The following AHCYL2 variants were observed in gnomAD, a reference collection of about 807,000 sequenced individuals.
AHCYL2 encodes the protein S-adenosylhomocysteine hydrolase-like protein 2.
Under a neutral mutation model 81.4 loss-of-function variants are expected in AHCYL2, and 28 were observed. The ratio of observed to expected loss-of-function variants is 0.34; its 90% CI spans 0.25 to 0.47. AHCYL2 has a LOEUF of 0.47. Among genes scored for constraint, AHCYL2 ranks in the 20% least tolerant of loss-of-function variants. AHCYL2 has a pLI of 1.00. For missense variants in AHCYL2, 551 were observed against 785.1 expected, an observed-to-expected ratio of 0.70 and a Z score of 3.56; for synonymous variants, 272 against 290.2, an observed-to-expected ratio of 0.94 and a Z score of 0.64.
At chr7:129,249,156 C>T (rs116595547) in intron 1 of AHCYL2, among the ~76,000 whole-genome samples, 2,035 of 151,818 alleles carry the variant, frequency 0.013, 41 homozygotes, top group African/African-American at 0.046. Context: ...CACCACTGTG[C>T]CTGGCTAATA....
rs1793804668 is a variant in AHCYL2 at position 129,358,179 on chromosome 7, G to A, written c.364-21459G>A. On this transcript the variant is annotated intron_variant, in intron 1 of 16. Coordinates refer to ENST00000325006, the MANE Select transcript of AHCYL2 (RefSeq NM_015328.4). ...GAGGCCGAGGTGGGCGGATCACGAGGTCAGGAGATTGAGACCATCCTGGCT... is the reference window on the plus strand; with the variant it reads ...GAGGCCGAGGTGGGCGGATCACGAGATCAGGAGATTGAGACCATCCTGGCT... 2.6e-5 allele frequency among the ~76,000 whole-genome samples: 4 copies of A among 151,986 alleles called. No homozygotes were observed. In the South Asian group the frequency reaches 6.2e-4, roughly 24 times the overall value.
In AHCYL2 at chr7:129,406,380, G is replaced by A; in HGVS notation, c.1209G>A (p.Val403=). The change falls in exon 10 of 17, where the codon GTG becomes GTA. Residue 403 remains valine (V), a splice_region_variant and synonymous_variant. Coordinates refer to ENST00000325006, the MANE Select transcript of AHCYL2 (RefSeq NM_015328.4). The surrounding 1 kb of genome is among the most constrained non-coding windows in gnomAD (Gnocchi z 4.3). The part of the protein sequence containing the change: ...KQVVVCGYGE[V]GKGCCAALKA... ...TGTGTGCTCTCTCCCCTCTTCAGGT[G>A]GGGAAAGGGTGCTGTGCTGCCCTGA... 3 of 1,613,898 alleles carry A rather than the reference G, an allele frequency of 1.9e-6. No homozygotes were observed. The highest frequency in any genetic ancestry group is 2.7e-5 in the African/African-American group (2 of 75,012).
intron 1 of AHCYL2, among the ~76,000 whole-genome samples, chr7:129,298,349 A>G (rs1050297574): frequency 6.6e-6 from 1 of 152,220 alleles, no homozygotes; most frequent in Non-Finnish European, 1.5e-5. Context: ...TGTCTTATCT[A>G]GTTAACTAAA....
At chr7:129,411,318 A>G (rs998856997) in intron 11 of AHCYL2, among the ~76,000 whole-genome samples, 5 of 152,090 alleles carry the variant, frequency 3.3e-5, no homozygotes, top group African/African-American at 1.2e-4. Flanking sequence ...AAGAAACCCC[A>G]TATCATTAGC....
intron 5 of AHCYL2, among the ~76,000 whole-genome samples, chr7:129,398,674 C>T (rs1384056470): frequency 2.0e-5 from 3 of 151,826 alleles, no homozygotes; most frequent in Non-Finnish European, 4.4e-5. Flanking sequence ...CCACCGCACC[C>T]GGCTGCCCCA....
intron 1 of AHCYL2, among the ~76,000 whole-genome samples, chr7:129,234,085 C>T (rs1038900399): frequency 6.6e-5 from 10 of 151,500 alleles, no homozygotes; most frequent in African/African-American, 2.2e-4. Context: ...AAGTCTCACT[C>T]TGTAGCCCAG....
At chr7:129,230,119 C>G in intron 1 of AHCYL2, among the ~76,000 whole-genome samples, 1 of 132,766 alleles carries the variant, frequency 7.5e-6, no homozygotes, top group Admixed American at 8.5e-5. Flanking sequence ...AAGTCTCGCT[C>G]TGTCACCCAA....
chr7:129,377,205 G>A (rs942437286), intron 1 of AHCYL2, among the ~76,000 whole-genome samples: 13 of 152,194 alleles, frequency 8.5e-5, no homozygotes, highest in African/African-American at 3.1e-4. Flanking sequence ...ATTCATTGTG[G>A]TAAGTGCTGT....
chr7:129,375,959 G>A (rs1794666512), intron 1 of AHCYL2: 2 of 1,535,834 alleles, frequency 1.3e-6, no homozygotes, highest in Non-Finnish European at 8.7e-7. Flanking sequence ...CAGTCTTGCC[G>A]CTGCTATAGC....
chr7:129,234,251 CT>C (rs1794555492), intron 1 of AHCYL2, among the ~76,000 whole-genome samples: 3 of 152,040 alleles, frequency 2.0e-5, no homozygotes, highest in Admixed American at 2.0e-4. Context: ...GATGGGGTCT[CT>C]TTTTTCCCCC....
chr7:129,312,910 T>C (rs1319508262), intron 1 of AHCYL2, among the ~76,000 whole-genome samples: 1 of 152,068 alleles, frequency 6.6e-6, no homozygotes, highest in Non-Finnish European at 1.5e-5. Context: ...ACTTATTTAA[T>C]ACTGTTAGGT....
Position 129,295,638 on chromosome 7 carries a change from G to A in AHCYL2, c.363+70199G>A, listed in dbSNP as rs1424070400. ...TCAACAATCAACATACAGTAGGTGT[G>A]CAGTAAGGATATGAATATGTAATAA... On this transcript the variant is annotated intron_variant, in intron 1 of 16. Transcript: ENST00000325006. Among the ~76,000 whole-genome samples, 3 of 152,208 alleles carry A rather than the reference G, an allele frequency of 2.0e-5. No homozygotes were observed. The East Asian group carries it at 5.8e-4, about 29-fold the overall frequency.
chr7:129,399,109 T>C (rs891161395), intron 5 of AHCYL2, among the ~76,000 whole-genome samples: 5 of 124,546 alleles, frequency 4.0e-5, no homozygotes, highest in Non-Finnish European at 6.3e-5. Flanking sequence ...GCCACTGCAC[T>C]CTAGCCTGGG....
chr7:129,304,103 C>T (rs1563188637), intron 1 of AHCYL2, among the ~76,000 whole-genome samples: 1 of 152,130 alleles, frequency 6.6e-6, no homozygotes, highest in Non-Finnish European at 1.5e-5. Context: ...AAACTTCCCT[C>T]TTAGTACTGC....
intron 1 of AHCYL2, among the ~76,000 whole-genome samples, chr7:129,243,018 C>CTTTTTTT (rs769701638): frequency 2.4e-5 from 3 of 125,590 alleles, no homozygotes; most frequent in Non-Finnish European, 5.0e-5. Context: ...TATTGTTTCT[C>CTTTTTTT]TTTTTTTTTT....
chr7:129,410,667 G>C lies in AHCYL2; in HGVS notation c.1366+1121G>C, dbSNP rs956739251. On this transcript the variant is annotated intron_variant, in intron 11 of 16. Transcript: ENST00000325006. Reference sequence around the variant, plus strand: ...TAGAGAGAAATTCTTCATAGTTAGAGAAAGTAGACGAGGTTATTCTGTTAA... The same window carrying C: ...TAGAGAGAAATTCTTCATAGTTAGACAAAGTAGACGAGGTTATTCTGTTAA... Among the ~76,000 whole-genome samples the C allele has an allele frequency of 3.3e-5, 5 of 152,214 alleles. No individual in the cohort carries two copies. In the East Asian group the frequency reaches 7.7e-4, roughly 23 times the overall value.
intron 1 of AHCYL2, among the ~76,000 whole-genome samples, chr7:129,335,820 T>G (rs1033825174): frequency 2.0e-5 from 3 of 152,204 alleles, no homozygotes; most frequent in African/African-American, 7.2e-5. Flanking sequence ...GACCTTGTCT[T>G]GAAAGTTACG....
intron 1 of AHCYL2, among the ~76,000 whole-genome samples, chr7:129,320,209 CT>C (rs1315560002): frequency 6.6e-6 from 1 of 151,966 alleles, no homozygotes; most frequent in Non-Finnish European, 1.5e-5. Context: ...GGTTGTTTGT[CT>C]TTTTGTTGTA....
rs1797377139 is a variant in AHCYL2 at position 129,426,628 on chromosome 7, G to A, written c.1829+65G>A. On this transcript the variant is annotated intron_variant, in intron 16 of 16. Coordinates refer to ENST00000325006, the MANE Select transcript of AHCYL2 (RefSeq NM_015328.4). This position sits in a 1 kb window ranked among gnomAD's most constrained non-coding sequence, Gnocchi z 4.3. ...TGATGAGCTTCCTGCACTGGAATTG[G>A]TCTTTGCATCCCCAACCACATATGC... 9 of 1,570,434 alleles carry A rather than the reference G, an allele frequency of 5.7e-6. No individual in the cohort carries two copies. The highest frequency in any genetic ancestry group is 5.5e-5 in the African/African-American group (4 of 73,350).
Sources: allele counts gnomAD v4.1 joint callset (sites outside exome capture counted in the v4.1 genomes callset), GRCh38; gene constraint gnomAD v4.1.1; non-coding constraint Gnocchi (gnomAD v3.1); transcripts MANE v1.5; gene names NCBI Gene and HGNC (gene_info 2026-07-23, HGNC 2026-07-21).